The following GABRG2 variants were observed in gnomAD, a reference collection of about 807,000 sequenced individuals.
GABRG2 encodes the protein gamma-aminobutyric acid receptor subunit gamma-2.
In GABRG2, 16 loss-of-function variants were observed where a neutral mutation model predicts 56.4. The ratio of observed to expected loss-of-function variants is 0.28; its 90% CI spans 0.19 to 0.43. GABRG2 has a LOEUF of 0.43. Ranked by LOEUF, GABRG2 falls within the 20% of genes least tolerant of loss-of-function variation. The pLI, the probability that GABRG2 is intolerant of heterozygous loss-of-function variation, is 1.00. For synonymous variants in GABRG2, 208 were observed against 205.5 expected, an observed-to-expected ratio of 1.01 and a Z score of -0.10; for missense variants, 327 against 582.7, an observed-to-expected ratio of 0.56 and a Z score of 4.52.
chr5:162,117,331 C>T (rs757720617), intron 6 of GABRG2, among the ~76,000 whole-genome samples: 1 of 152,038 alleles, frequency 6.6e-6, no homozygotes, highest in Non-Finnish European at 1.5e-5. Context: ...AAGCGATAAA[C>T]CAGAATCATC....
At position 162,138,042 on chromosome 5, in the gene GABRG2, G is replaced by A. The variant is rs371860309; in HGVS notation, c.770-4122G>A. Among the ~76,000 whole-genome samples the A allele has an allele frequency of 5.7e-4, 87 of 151,770 alleles. 2 individuals are homozygous for A. The highest frequency in any genetic ancestry group is 3.4e-3 in the Middle Eastern group (1 of 292). On this transcript the variant is annotated intron_variant, in intron 6 of 9. Transcript: ENST00000639213. ...CCCCAAGTGAGGGGATTCCAAGTGC[G>A]AGCCACCGTGCCCTCACTGCAGTCT...
intron 1 of GABRG2, among the ~76,000 whole-genome samples, chr5:162,092,523 A>C (rs1239947303): frequency 6.6e-6 from 1 of 152,176 alleles, no homozygotes. Context: ...ATATTTAGTC[A>C]TCAAGATCTA....
chr5:162,088,273 C>T lies in GABRG2; in HGVS notation c.108-5555C>T, dbSNP rs75978771. 1.9e-4 allele frequency among the ~76,000 whole-genome samples: 29 copies of T among 152,226 alleles called. No individual in the cohort carries two copies. The East Asian group carries it at 5.6e-3, about 30-fold the overall frequency. Reference sequence around the variant, plus strand: ...ATGATCATATACTGAGTTCCCTTTGCCTTCTGAGGATGTACACTCACCTAC... The same window carrying T: ...ATGATCATATACTGAGTTCCCTTTGTCTTCTGAGGATGTACACTCACCTAC... On this transcript the variant is annotated intron_variant, in intron 1 of 9. Transcript: ENST00000639213.
chr5:162,117,570 C>A (rs1485920793), intron 6 of GABRG2, among the ~76,000 whole-genome samples: 1 of 152,072 alleles, frequency 6.6e-6, no homozygotes, highest in Non-Finnish European at 1.5e-5. Context: ...TACGATTTAA[C>A]CTTTTCTTTA....
chr5:162,086,812 A>G (rs1760157456), intron 1 of GABRG2, among the ~76,000 whole-genome samples: 1 of 152,042 alleles, frequency 6.6e-6, no homozygotes, highest in African/African-American at 2.4e-5. Context: ...ATATTTCATT[A>G]TGTGCATAAG....
At chr5:162,136,246 G>C (rs555584232) in intron 6 of GABRG2, among the ~76,000 whole-genome samples, 38 of 152,266 alleles carry the variant, frequency 2.5e-4, no homozygotes, top group Non-Finnish European at 5.1e-4. Flanking sequence ...ATGTACTCTA[G>C]AAAGAAAAGC....
intron 5 of GABRG2, 49 bp from the exon 6 acceptor site, chr5:162,103,840 A>G (rs1214228194): frequency 1.2e-6 from 2 of 1,604,816 alleles, no homozygotes; most frequent in Non-Finnish European, 1.7e-6. Flanking sequence ...GTTGCTACAT[A>G]TGCTAATTTA....
chr5:162,089,902 A>G (rs966154465), intron 1 of GABRG2, among the ~76,000 whole-genome samples: 23 of 152,276 alleles, frequency 1.5e-4, no homozygotes, highest in African/African-American at 5.1e-4. Context: ...GAAATTTAAA[A>G]TTCCAGAAAC....
intron 6 of GABRG2, among the ~76,000 whole-genome samples, chr5:162,136,899 G>T (rs1764175003): frequency 1.3e-5 from 2 of 152,228 alleles, no homozygotes; most frequent in African/African-American, 4.8e-5. Context: ...TGACTTTCTT[G>T]GCCTGACAAC....
intron 1 of GABRG2, among the ~76,000 whole-genome samples, chr5:162,078,429 C>T (rs1202303143): frequency 2.5e-4 from 6 of 23,978 alleles, no homozygotes; most frequent in Admixed American, 5.1e-4. Flanking sequence ...TTTTTTGAGA[C>T]GGAGTCTTGC....
intron 6 of GABRG2, among the ~76,000 whole-genome samples, chr5:162,135,203 A>G (rs1238319580): frequency 6.6e-6 from 1 of 152,068 alleles, no homozygotes; most frequent in African/African-American, 2.4e-5. Flanking sequence ...ACTCTGATAA[A>G]GCTGATTTCC....
At chr5:162,096,301 G>C (rs1286420767) in intron 3 of GABRG2, among the ~76,000 whole-genome samples, 1 of 151,946 alleles carries the variant, frequency 6.6e-6, no homozygotes, top group Admixed American at 6.6e-5. Context: ...AGAATATTTA[G>C]AGTTCTGAAA....
intron 1 of GABRG2, among the ~76,000 whole-genome samples, chr5:162,076,617 A>G (rs1258519245): frequency 6.6e-6 from 1 of 152,164 alleles, no homozygotes; most frequent in Non-Finnish European, 1.5e-5. Context: ...TCCCAAAGAC[A>G]TTGTAAAACA....
Position 162,126,505 on chromosome 5 carries a change from G to A in GABRG2, c.770-15659G>A, listed in dbSNP as rs569338624. On this transcript the variant is annotated intron_variant, in intron 6 of 9. Coordinates refer to ENST00000639213, the MANE Select transcript of GABRG2 (RefSeq NM_198904.4). ...ATCTTTAGATAGAGTTAAAACTTTGGGAAAGGCAGATGTTATCCCAGCATG... is the reference window on the plus strand; with the variant it reads ...ATCTTTAGATAGAGTTAAAACTTTGAGAAAGGCAGATGTTATCCCAGCATG... Among the ~76,000 whole-genome samples, 9 of 152,018 alleles carry A rather than the reference G, an allele frequency of 5.9e-5. No homozygotes were observed. The East Asian group carries it at 9.7e-4, about 16-fold the overall frequency.
At chr5:162,081,825 G>T (rs1275336095) in intron 1 of GABRG2, among the ~76,000 whole-genome samples, 2 of 151,938 alleles carry the variant, frequency 1.3e-5, no homozygotes, top group Non-Finnish European at 2.9e-5. Context: ...AATGAAAATG[G>T]TATAGCTACT....
At chr5:162,097,556 A>C (rs1004120469) in intron 3 of GABRG2, 82 bp from the exon 4 acceptor site, 1 of 1,113,708 alleles carries the variant, frequency 9.0e-7, no homozygotes, top group African/African-American at 1.6e-5. Flanking sequence ...ATTGGCAAAG[A>C]AAACAGGAAT....
intron 2 of GABRG2, 91 bp downstream of exon 2, chr5:162,094,070 A>G (rs1760818655): frequency 6.4e-6 from 9 of 1,400,850 alleles, no homozygotes; most frequent in Non-Finnish European, 9.1e-6. Flanking sequence ...TTCAAGAGCA[A>G]GGAAGATTTA....
At chr5:162,084,533 G>A (rs1759908086) in intron 1 of GABRG2, among the ~76,000 whole-genome samples, 1 of 151,690 alleles carries the variant, frequency 6.6e-6, no homozygotes, top group Non-Finnish European at 1.5e-5. Flanking sequence ...CAAAGTCTTG[G>A]TCTCATAGAG....
At chr5:162,123,407 G>A (rs1441870819) in intron 6 of GABRG2, among the ~76,000 whole-genome samples, 2 of 151,482 alleles carry the variant, frequency 1.3e-5, no homozygotes, top group African/African-American at 2.4e-5. Context: ...CATGATGATG[G>A]TATTGTCATA....
Sources: gnomAD v4.1 joint callset for allele counts (sites outside exome capture counted in the v4.1 genomes callset) on GRCh38, gnomAD v4.1.1 for gene constraint, MANE v1.5 for transcripts, NCBI Gene and HGNC (gene_info 2026-07-23, HGNC 2026-07-21) for gene names.